ZNF676: variants seen among roughly 807,000 people sequenced by gnomAD.
The protein encoded by ZNF676 is zinc finger protein 676.
ZNF676 carries 4 observed loss-of-function variants against 6.0 expected under a neutral mutation model. The ratio of observed to expected loss-of-function variants is 0.67; its 90% CI spans 0.33 to 1.53. The LOEUF (loss-of-function observed/expected upper bound fraction) is 1.53. Among genes scored for constraint, ZNF676 ranks in the 40% most tolerant of loss-of-function variants. The probability of loss-of-function intolerance (pLI) is 0.06; values close to 1 mark genes in which losing one functional copy is unlikely to be tolerated. For synonymous variants in ZNF676, 198 were observed against 223.1 expected (o/e 0.89, Z 1.00); for missense variants, 644 against 679.7 (o/e 0.95, Z 0.58).
the ZNF676 span, among the ~76,000 whole-genome samples, chr19:22,241,673 G>A: frequency 6.6e-6 from 1 of 151,672 alleles, no homozygotes; most frequent in Non-Finnish European, 1.5e-5. Flanking sequence ...AATTTGCTCT[G>A]AGACCTCCAT....
At chr19:22,248,399 C>T in the ZNF676 span, among the ~76,000 whole-genome samples, 1 of 152,214 alleles carries the variant, frequency 6.6e-6, no homozygotes, top group East Asian at 1.9e-4. Flanking sequence ...ACATTCTCTC[C>T]AGCACCTGTT....
chr19:22,238,566 A>C, the ZNF676 span, among the ~76,000 whole-genome samples: 9 of 152,334 alleles, frequency 5.9e-5, 1 homozygote, highest in East Asian at 1.5e-3. Context: ...AAAGAACTCC[A>C]TCCTTAATAT....
intron 2 of ZNF676, among the ~76,000 whole-genome samples, chr19:22,184,252 G>A (rs1214336260): frequency 6.6e-6 from 1 of 152,142 alleles, no homozygotes; most frequent in Non-Finnish European, 1.5e-5. Context: ...GGAAGTGCAA[G>A]GGGTTGGGGA....
At chr19:22,211,256 G>C (rs2024127117) in intron 1 of ZNF676, among the ~76,000 whole-genome samples, 1 of 152,066 alleles carries the variant, frequency 6.6e-6, no homozygotes. Flanking sequence ...GGGCTCTGTA[G>C]CTTCTCTCAC....
the ZNF676 span, among the ~76,000 whole-genome samples, chr19:22,251,445 G>A: frequency 2.6e-5 from 4 of 152,066 alleles, no homozygotes; most frequent in South Asian, 6.2e-4. Flanking sequence ...GAACACACCA[G>A]TGATCTCTGA....
At chr19:22,258,242 TA>T in the ZNF676 span, among the ~76,000 whole-genome samples, 1 of 151,930 alleles carries the variant, frequency 6.6e-6, no homozygotes, top group Admixed American at 6.6e-5. Context: ...AAAGCCCAGG[TA>T]AAAGAGAAGA....
At chr19:22,231,757 C>G in the ZNF676 span, among the ~76,000 whole-genome samples, 1 of 151,298 alleles carries the variant, frequency 6.6e-6, no homozygotes, top group Admixed American at 6.6e-5. Context: ...CGCGTGCCAC[C>G]ATGGCCAGCT....
chr19:22,253,748 T>C, the ZNF676 span, among the ~76,000 whole-genome samples: 5 of 151,920 alleles, frequency 3.3e-5, no homozygotes, highest in Non-Finnish European at 7.4e-5. Flanking sequence ...ATGTGTGAAA[T>C]TCAGGACCTC....
chr19:22,236,670 G>A, the ZNF676 span, among the ~76,000 whole-genome samples: 1 of 152,302 alleles, frequency 6.6e-6, no homozygotes, highest in Non-Finnish European at 1.5e-5. Flanking sequence ...GAAATTGATT[G>A]AGGGGCCATG....
chr19:22,190,662 TA>T (rs2023895586), intron 2 of ZNF676, among the ~76,000 whole-genome samples: 1 of 122,460 alleles, frequency 8.2e-6, no homozygotes, highest in South Asian at 2.2e-4. Context: ...TATATATATA[TA>T]TACATACACA....
intron 1 of ZNF676, among the ~76,000 whole-genome samples, chr19:22,206,921 A>C (rs1477920513): frequency 6.6e-6 from 1 of 152,154 alleles, no homozygotes; most frequent in Non-Finnish European, 1.5e-5. Flanking sequence ...ACCCTCAACA[A>C]ACTAGGCACT....
chr19:22,219,636 T>C (rs1232445635), upstream of ZNF676, among the ~76,000 whole-genome samples: 3 of 151,764 alleles, frequency 2.0e-5, no homozygotes, highest in East Asian at 5.8e-4. Context: ...TTCAGTGTAA[T>C]GTTGGCTGTT....
intron 1 of ZNF676, among the ~76,000 whole-genome samples, chr19:22,210,783 AACTTC>A (rs2024121865): frequency 6.6e-6 from 1 of 152,060 alleles, no homozygotes; most frequent in South Asian, 2.1e-4. Context: ...TTCTTAATCA[AACTTC>A]ACTTATTTTC....
intron 1 of ZNF676, among the ~76,000 whole-genome samples, chr19:22,204,822 C>T (rs760936546): frequency 6.6e-6 from 1 of 151,880 alleles, no homozygotes; most frequent in Non-Finnish European, 1.5e-5. Flanking sequence ...ATCTCAGGTC[C>T]CAGATAAAGA....
the ZNF676 span, among the ~76,000 whole-genome samples, chr19:22,235,058 G>C: frequency 6.9e-6 from 1 of 145,132 alleles, no homozygotes; most frequent in Admixed American, 6.8e-5. Flanking sequence ...AGGCAGAAAG[G>C]CAGGAAGAAG....
intron 1 of ZNF676, among the ~76,000 whole-genome samples, chr19:22,214,265 A>G (rs149380087): frequency 8.5e-5 from 13 of 152,338 alleles, no homozygotes; most frequent in Non-Finnish European, 1.5e-5. Flanking sequence ...TGTGAAAATA[A>G]TTAAGTGGCT....
intron 1 of ZNF676, among the ~76,000 whole-genome samples, chr19:22,206,501 C>T (rs545450686): frequency 4.5e-4 from 69 of 152,088 alleles, no homozygotes; most frequent in Middle Eastern, 3.4e-3. Flanking sequence ...GATGAAACCC[C>T]GTCTCTTCTC....
the ZNF676 span, among the ~76,000 whole-genome samples, chr19:22,231,207 C>CAA: frequency 1.3e-3 from 192 of 149,178 alleles, no homozygotes; most frequent in African/African-American, 3.8e-3. Context: ...CAAGGTATCA[C>CAA]AAAAAAAAAT....
chr19:22,222,365 C>G, the ZNF676 span, among the ~76,000 whole-genome samples: 1 of 152,182 alleles, frequency 6.6e-6, no homozygotes, highest in Non-Finnish European at 1.5e-5. Flanking sequence ...CTCGGCCTCC[C>G]AGAGTGCTGG....
Sources: gnomAD v4.1 joint callset for allele counts (sites outside exome capture counted in the v4.1 genomes callset) on GRCh38, gnomAD v4.1.1 for gene constraint, MANE v1.5 for transcripts, NCBI Gene and HGNC (gene_info 2026-07-23, HGNC 2026-07-21) for gene names.